The following SAMTOR variants were observed in gnomAD, a reference collection of about 807,000 sequenced individuals.
SAMTOR encodes the protein UPF0532 protein C7orf60.
the SAMTOR span, among the ~76,000 whole-genome samples, chr7:112,856,227 T>A: frequency 1.3e-5 from 2 of 151,878 alleles, no homozygotes; most frequent in Non-Finnish European, 2.9e-5. Context: ...AAAAGAAAAG[T>A]GTATTATTTT....
At chr7:112,825,551 C>T in the SAMTOR span, among the ~76,000 whole-genome samples, 1 of 152,134 alleles carries the variant, frequency 6.6e-6, no homozygotes, top group Non-Finnish European at 1.5e-5. Context: ...TGCAACCTTG[C>T]TAAACTCATT....
chr7:112,913,874 T>C, the SAMTOR span, among the ~76,000 whole-genome samples: 6 of 152,314 alleles, frequency 3.9e-5, no homozygotes, highest in Middle Eastern at 3.4e-3. Flanking sequence ...GTTTTAGTTT[T>C]CCTTGCTTTA....
At chr7:112,874,564 G>GT in the SAMTOR span, among the ~76,000 whole-genome samples, 1 of 152,088 alleles carries the variant, frequency 6.6e-6, no homozygotes, top group Non-Finnish European at 1.5e-5. Flanking sequence ...CTGAGTGATG[G>GT]TATCAAGAGA....
At chr7:112,836,623 G>T in the SAMTOR span, among the ~76,000 whole-genome samples, 4 of 151,978 alleles carry the variant, frequency 2.6e-5, no homozygotes, top group African/African-American at 9.7e-5. Flanking sequence ...CTTTTTAACT[G>T]ATCTTGAGTT....
At chr7:112,826,593 T>C in the SAMTOR span, among the ~76,000 whole-genome samples, 5 of 152,140 alleles carry the variant, frequency 3.3e-5, no homozygotes, top group African/African-American at 1.2e-4. Flanking sequence ...CTTTCATTAA[T>C]TTTCCCTATT....
the SAMTOR span, chr7:112,821,957 T>C: frequency 6.2e-7 from 1 of 1,613,280 alleles, no homozygotes; most frequent in Non-Finnish European, 8.5e-7. Context: ...ATAACATTCC[T>C]GGGTAGTTCC....
the SAMTOR span, among the ~76,000 whole-genome samples, chr7:112,895,146 ATTCT>A: frequency 1.3e-5 from 2 of 151,664 alleles, no homozygotes; most frequent in African/African-American, 2.4e-5. Context: ...TGCTGTTTTG[ATTCT>A]TTGTTTTGAT....
the SAMTOR span, among the ~76,000 whole-genome samples, chr7:112,863,658 C>G: frequency 6.6e-6 from 1 of 152,054 alleles, no homozygotes; most frequent in Non-Finnish European, 1.5e-5. Flanking sequence ...TACACACAGC[C>G]AAGAATCATA....
the SAMTOR span, among the ~76,000 whole-genome samples, chr7:112,898,697 A>G: frequency 3.0e-4 from 46 of 152,352 alleles, no homozygotes; most frequent in Admixed American, 5.9e-4. Context: ...GGTGGCCACA[A>G]GAGTGTCTGT....
chr7:112,883,775 T>G, the SAMTOR span, among the ~76,000 whole-genome samples: 1 of 152,226 alleles, frequency 6.6e-6, no homozygotes, highest in African/African-American at 2.4e-5. Context: ...TTTCGCAGAA[T>G]GCATTTTACT....
the SAMTOR span, among the ~76,000 whole-genome samples, chr7:112,900,426 G>A: frequency 6.6e-6 from 1 of 152,128 alleles, no homozygotes; most frequent in Non-Finnish European, 1.5e-5. Flanking sequence ...AATAGAGAGG[G>A]CAATCTGCTT....
At chr7:112,913,168 T>A in the SAMTOR span, among the ~76,000 whole-genome samples, 2 of 152,174 alleles carry the variant, frequency 1.3e-5, no homozygotes, top group East Asian at 1.9e-4. Flanking sequence ...AATAAAAACA[T>A]TTAACCCCAA....
the SAMTOR span, among the ~76,000 whole-genome samples, chr7:112,907,570 T>A: frequency 1.7e-4 from 26 of 150,782 alleles, no homozygotes; most frequent in African/African-American, 6.3e-4. Context: ...CAAATATTTA[T>A]AAATGATATA....
the SAMTOR span, among the ~76,000 whole-genome samples, chr7:112,903,140 C>A: frequency 2.0e-5 from 3 of 151,898 alleles, no homozygotes; most frequent in African/African-American, 7.3e-5. Context: ...ATAGTAAAAC[C>A]CCGCCTCTTC....
the SAMTOR span, among the ~76,000 whole-genome samples, chr7:112,902,421 AAAAAAAACAAAAAAAAACAAAAAAAAAC>A: frequency 3.2e-4 from 32 of 101,528 alleles, 5 homozygotes; most frequent in East Asian, 8.0e-3. Flanking sequence ...CGTCTCAAAA[AAAAAAAACAAAAAAAAACAAAAAAAAAC>A]AAAAAAAAAA....
At chr7:112,882,705 C>A in the SAMTOR span, among the ~76,000 whole-genome samples, 1 of 149,240 alleles carries the variant, frequency 6.7e-6, no homozygotes, top group Non-Finnish European at 1.5e-5. Context: ...AACCAACGAA[C>A]CAACCAACCA....
chr7:112,922,878 TG>T, the SAMTOR span, among the ~76,000 whole-genome samples: 3 of 80,348 alleles, frequency 3.7e-5, no homozygotes, highest in East Asian at 8.9e-4. Flanking sequence ...GGGAGGGAGG[TG>T]GGGGGGTCAG....
At chr7:112,916,675 G>C in the SAMTOR span, among the ~76,000 whole-genome samples, 1 of 152,218 alleles carries the variant, frequency 6.6e-6, no homozygotes, top group African/African-American at 2.4e-5. Flanking sequence ...GGGTCAGGGA[G>C]TTCCCTTTCC....
chr7:112,853,196 C>A, the SAMTOR span, among the ~76,000 whole-genome samples: 1 of 151,738 alleles, frequency 6.6e-6, no homozygotes. Context: ...CTTAAAACTG[C>A]ATTATTTAAA....
Sources: gnomAD v4.1 joint callset for allele counts (sites outside exome capture counted in the v4.1 genomes callset) on GRCh38, gnomAD v4.1.1 for gene constraint, MANE v1.5 for transcripts, NCBI Gene and HGNC (gene_info 2026-07-23, HGNC 2026-07-21) for gene names.